The following RGS8 variants were observed in gnomAD, a reference collection of about 807,000 sequenced individuals.
RGS8 encodes the protein regulator of G protein signaling 8.
In RGS8, 8 loss-of-function variants were observed where a neutral mutation model predicts 21.7. The observed-to-expected ratio is 0.37, with a 90% CI of 0.22 to 0.66. RGS8 has a LOEUF of 0.66. RGS8 is among the 30% of genes least tolerant of loss of function. RGS8 has a pLI of 0.59. For missense variants in RGS8, 157 were observed against 217.9 expected (o/e 0.72, Z 1.76); for synonymous variants, 80 against 83.6 (o/e 0.96, Z 0.24).
At chr1:182,668,642 C>A (rs574422743) in intron 3 of RGS8, among the ~76,000 whole-genome samples, 2 of 152,302 alleles carry the variant, frequency 1.3e-5, no homozygotes, top group African/African-American at 4.8e-5. Flanking sequence ...CTCTCTCCTG[C>A]AAAAAATTGG....
At chr1:182,679,666 A>G (rs945883559) in intron 1 of RGS8, among the ~76,000 whole-genome samples, 21 of 152,108 alleles carry the variant, frequency 1.4e-4, no homozygotes, top group African/African-American at 5.1e-4. Flanking sequence ...ATAGCTCCCA[A>G]TCATGTAGAC....
At chr1:182,729,003 C>A in the RGS8 span, among the ~76,000 whole-genome samples, 1 of 152,068 alleles carries the variant, frequency 6.6e-6, no homozygotes, top group African/African-American at 2.4e-5. Flanking sequence ...TACATGTAAA[C>A]AATACAATAA....
intron 5 of RGS8, among the ~76,000 whole-genome samples, chr1:182,663,795 C>T (rs113103321): frequency 0.024 from 3,690 of 152,290 alleles, 162 homozygotes; most frequent in African/African-American, 0.084. Flanking sequence ...TCCTAGGTAG[C>T]TGGGACTACA....
At chr1:182,735,584 G>A in the RGS8 span, among the ~76,000 whole-genome samples, 4 of 152,174 alleles carry the variant, frequency 2.6e-5, no homozygotes, top group African/African-American at 9.7e-5. Context: ...GGGCGCTATG[G>A]CAGTAACAAA....
chr1:182,741,178 G>T, the RGS8 span, among the ~76,000 whole-genome samples: 112 of 123,048 alleles, frequency 9.1e-4, 4 homozygotes, highest in African/African-American at 3.1e-3. Flanking sequence ...CTGGCCGGGT[G>T]GGGGGCTGAC....
chr1:182,680,525 C>T (rs1294661421), intron 1 of RGS8, among the ~76,000 whole-genome samples: 1 of 152,142 alleles, frequency 6.6e-6, no homozygotes, highest in East Asian at 1.9e-4. Context: ...CTATGGCTTC[C>T]AGGCACACTT....
intron 6 of RGS8, 48 bp downstream of exon 7, chr1:182,648,089 C>A: frequency 6.6e-7 from 1 of 1,520,952 alleles, no homozygotes; most frequent in Non-Finnish European, 8.9e-7. Flanking sequence ...GAGAGAAATG[C>A]AAGCTAGGAG....
intron 5 of RGS8, among the ~76,000 whole-genome samples, chr1:182,659,775 A>G (rs1230159212): frequency 1.3e-5 from 2 of 151,944 alleles, no homozygotes; most frequent in Admixed American, 6.6e-5. Context: ...ATCCAGAAAT[A>G]TTGGTCTAGT....
the RGS8 span, among the ~76,000 whole-genome samples, chr1:182,722,212 C>T: frequency 4.3e-5 from 6 of 138,074 alleles, no homozygotes; most frequent in African/African-American, 1.7e-4. Flanking sequence ...CCTGAAGAAA[C>T]AAGTGTTTTT....
At chr1:182,746,235 C>A in the RGS8 span, among the ~76,000 whole-genome samples, 3 of 152,208 alleles carry the variant, frequency 2.0e-5, no homozygotes, top group Non-Finnish European at 4.4e-5. Context: ...CAGTACAAAT[C>A]TGCAAAATAG....
chr1:182,673,910 A>G (rs1664272507), upstream of RGS8, among the ~76,000 whole-genome samples: 1 of 152,252 alleles, frequency 6.6e-6, no homozygotes, highest in Non-Finnish European at 1.5e-5. Flanking sequence ...AGCAGTTAGT[A>G]TGTGCCAGAC....
the RGS8 span, among the ~76,000 whole-genome samples, chr1:182,705,643 T>C: frequency 7.4e-6 from 1 of 135,890 alleles, no homozygotes; most frequent in African/African-American, 2.9e-5. Context: ...ACTCAGATAA[T>C]AGTAAATATC....
chr1:182,690,880 T>C, the RGS8 span, among the ~76,000 whole-genome samples: 2 of 152,304 alleles, frequency 1.3e-5, no homozygotes, highest in South Asian at 2.1e-4. Flanking sequence ...GCAAACAGGA[T>C]GCAAGTAGAC....
upstream of RGS8, among the ~76,000 whole-genome samples, chr1:182,687,566 G>A (rs1260372812): frequency 1.3e-5 from 2 of 152,220 alleles, no homozygotes; most frequent in Non-Finnish European, 2.9e-5. Context: ...TAGCCAAACA[G>A]GTTGGGGAGG....
chr1:182,651,837 G>A (rs2102411699), intron 5 of RGS8, among the ~76,000 whole-genome samples: 1 of 152,344 alleles, frequency 6.6e-6, no homozygotes, highest in Non-Finnish European at 1.5e-5. Flanking sequence ...GGAAGCCTCA[G>A]TGCTCTTGGA....
At chr1:182,650,845 C>T (rs1557883481) in intron 5 of RGS8, among the ~76,000 whole-genome samples, 1 of 152,108 alleles carries the variant, frequency 6.6e-6, no homozygotes, top group Non-Finnish European at 1.5e-5. Context: ...TAATTACATG[C>T]AGACAATAAT....
chr1:182,726,789 A>G, the RGS8 span, among the ~76,000 whole-genome samples: 1 of 152,198 alleles, frequency 6.6e-6, no homozygotes, highest in Admixed American at 6.6e-5. Context: ...CTTCATGAAT[A>G]GCCTTACAAA....
chr1:182,688,823 A>C (rs75918408), upstream of RGS8, among the ~76,000 whole-genome samples: 680 of 152,312 alleles, frequency 4.5e-3, 4 homozygotes, highest in African/African-American at 0.016. Context: ...AGGACACAGG[A>C]CATCAGTTCT....
At chr1:182,723,926 C>T in the RGS8 span, among the ~76,000 whole-genome samples, 1 of 151,744 alleles carries the variant, frequency 6.6e-6, no homozygotes, top group Non-Finnish European at 1.5e-5. Flanking sequence ...CGGGCAGCCC[C>T]CAAAACGAGA....
Sources: gnomAD v4.1 joint callset for allele counts (sites outside exome capture counted in the v4.1 genomes callset) on GRCh38, gnomAD v4.1.1 for gene constraint, MANE v1.5 for transcripts, NCBI Gene and HGNC (gene_info 2026-07-23, HGNC 2026-07-21) for gene names.